The following SNX29 variants were observed in gnomAD, a reference collection of about 807,000 sequenced individuals.
SNX29 encodes the protein sorting nexin 29.
A neutral mutation model predicts 102.1 loss-of-function variants in SNX29; 78 were observed. That is an observed-to-expected ratio of 0.76 (90% CI 0.64 to 0.92). The LOEUF (loss-of-function observed/expected upper bound fraction) is 0.92, where lower values mean the gene tolerates loss of function less well. Among genes scored for constraint, SNX29 ranks in the 40% least tolerant of loss-of-function variants. SNX29 has a pLI of 0.00. For missense variants in SNX29, 1,280 were observed against 1,061.7 expected (o/e 1.21, Z -2.86); for synonymous variants, 580 against 414.5 (o/e 1.40, Z -4.85).
chr16:12,343,012 A>G (rs2081660269), intron 15 of SNX29, among the ~76,000 whole-genome samples: 1 of 152,322 alleles, frequency 6.6e-6, no homozygotes, highest in East Asian at 1.9e-4. Context: ...GGAAAACAAC[A>G]TTTTGATGCT....
chr16:12,280,834 A>G (rs1012969852), intron 15 of SNX29, among the ~76,000 whole-genome samples: 1 of 152,216 alleles, frequency 6.6e-6, no homozygotes, highest in African/African-American at 2.4e-5. Flanking sequence ...AGAGTAATGA[A>G]CGAATGTGAG....
In SNX29 at chr16:12,241,861, G is replaced by T. The variant is rs193215515; in HGVS notation, c.1679-36072G>T. ...TGTTTTCTCTCTCCTTATGGCTAGA[G>T]GATGATTGCAGCAGTTCCAGAACTT... On this transcript the variant is annotated intron_variant, in intron 14 of 20. Transcript: ENST00000566228. 4.6e-5 allele frequency among the ~76,000 whole-genome samples: 7 copies of T among 152,322 alleles called. No individual in the cohort carries two copies. The East Asian group carries it at 1.4e-3, about 29-fold the overall frequency.
intron 11 of SNX29, chr16:12,090,073 G>A (rs1477599871): frequency 6.4e-6 from 1 of 156,114 alleles, no homozygotes; most frequent in Non-Finnish European, 1.4e-5. Context: ...GCGGGGTGGG[G>A]CGGTGCGCGG....
intron 13 of SNX29, among the ~76,000 whole-genome samples, chr16:12,178,062 T>G (rs544892714): frequency 6.6e-6 from 1 of 152,330 alleles, no homozygotes; most frequent in Admixed American, 6.5e-5. Flanking sequence ...TGCTGGTAAA[T>G]GCTCTATGTC....
chr16:12,089,393 T>C (rs2151391456), intron 11 of SNX29, among the ~76,000 whole-genome samples: 1 of 152,246 alleles, frequency 6.6e-6, no homozygotes, highest in South Asian at 2.1e-4. Flanking sequence ...TTCTGCCCAG[T>C]GTCCATAGTA....
At chr16:12,200,387 G>T (rs1310336986) in intron 14 of SNX29, among the ~76,000 whole-genome samples, 3 of 152,086 alleles carry the variant, frequency 2.0e-5, no homozygotes, top group Non-Finnish European at 2.9e-5. Flanking sequence ...GATGTGTCTT[G>T]CAGCCCTCAG....
At chr16:12,429,975 C>T (rs1410383759) in intron 18 of SNX29, among the ~76,000 whole-genome samples, 1 of 152,196 alleles carries the variant, frequency 6.6e-6, no homozygotes, top group Non-Finnish European at 1.5e-5. Flanking sequence ...TGGGCTGTTG[C>T]CTGTTAGGAA....
intron 19 of SNX29, among the ~76,000 whole-genome samples, chr16:12,482,548 C>T (rs2087996844): frequency 1.3e-5 from 2 of 152,176 alleles, no homozygotes; most frequent in African/African-American, 4.8e-5. Context: ...GAACTACTCC[C>T]ACCTCAGCCA....
At chr16:12,496,202 G>C (rs529206778) in intron 19 of SNX29, among the ~76,000 whole-genome samples, 46 of 152,298 alleles carry the variant, frequency 3.0e-4, no homozygotes, top group Middle Eastern at 6.8e-3. Context: ...CAGTGTGAGC[G>C]CCCTAAAATT....
At chr16:12,403,232 G>C (rs1486350564) in intron 17 of SNX29, among the ~76,000 whole-genome samples, 1 of 150,502 alleles carries the variant, frequency 6.6e-6, no homozygotes, top group East Asian at 2.0e-4. Flanking sequence ...GTGTGTGTGT[G>C]TGTGTGTGTG....
intron 1 of SNX29, among the ~76,000 whole-genome samples, chr16:11,985,489 A>T (rs1301707265): frequency 6.6e-6 from 1 of 152,170 alleles, no homozygotes; most frequent in African/African-American, 2.4e-5. Context: ...GTGTTAAAGG[A>T]CTATCAGGAT....
chr16:12,375,494 C>T (rs893303923), intron 16 of SNX29: 14 of 152,222 alleles, frequency 9.2e-5, no homozygotes, highest in Non-Finnish European at 1.6e-4. Context: ...CAGCCTCAGC[C>T]GGTGACTGCA....
chr16:12,212,148 G>T (rs866952780), intron 14 of SNX29, among the ~76,000 whole-genome samples: 1 of 152,134 alleles, frequency 6.6e-6, no homozygotes, highest in Non-Finnish European at 1.5e-5. Context: ...CTGCCTATGT[G>T]GGGCAGCCTC....
chr16:12,265,240 G>C (rs2078891212), intron 14 of SNX29, among the ~76,000 whole-genome samples: 1 of 152,172 alleles, frequency 6.6e-6, no homozygotes, highest in African/African-American at 2.4e-5. Context: ...CAGCAAAGAA[G>C]TTTTCACTGT....
chr16:12,139,836 C>T (rs532844981), intron 13 of SNX29, among the ~76,000 whole-genome samples: 17 of 151,822 alleles, frequency 1.1e-4, no homozygotes, highest in Middle Eastern at 3.4e-3. Context: ...CAAAAATTAG[C>T]GGTGCGTGGT....
At chr16:12,444,966 G>A (rs1210407472) in intron 18 of SNX29, among the ~76,000 whole-genome samples, 4 of 150,950 alleles carry the variant, frequency 2.6e-5, no homozygotes, top group Admixed American at 6.6e-5. Context: ...GTTCTCCTGC[G>A]TCAGCCTCCC....
chr16:12,019,587 T>TAGATAGATAG (rs1555520306), intron 3 of SNX29, among the ~76,000 whole-genome samples: 9 of 79,268 alleles, frequency 1.1e-4, no homozygotes, highest in Non-Finnish European at 2.4e-4. Context: ...TGTAAATATA[T>TAGATAGATAG]ATATATAGAT....
At chr16:12,393,416 T>TG (rs1567517627) in intron 16 of SNX29, among the ~76,000 whole-genome samples, 6 of 96,552 alleles carry the variant, frequency 6.2e-5, no homozygotes, top group Middle Eastern at 5.2e-3. Flanking sequence ...ATGCATGCAT[T>TG]CATTCATTCA....
chr16:12,408,487 A>C (rs528984825), intron 18 of SNX29, among the ~76,000 whole-genome samples: 3 of 152,358 alleles, frequency 2.0e-5, no homozygotes, highest in African/African-American at 4.8e-5. Flanking sequence ...TTGTTTGAGC[A>C]ATGTCAGGGT....
Sources: gnomAD v4.1 joint callset for allele counts (sites outside exome capture counted in the v4.1 genomes callset) on GRCh38, gnomAD v4.1.1 for gene constraint, MANE v1.5 for transcripts, NCBI Gene and HGNC (gene_info 2026-07-23, HGNC 2026-07-21) for gene names.